ARID4B: variants seen among roughly 807,000 people sequenced by gnomAD.
ARID4B encodes the protein AT-rich interaction domain 4B, also known as AT-rich interactive domain-containing protein 4B.
ARID4B carries 26 observed loss-of-function variants against 147.5 expected under a neutral mutation model. The observed-to-expected ratio is 0.18, with a 90% CI of 0.13 to 0.24. The LOEUF (loss-of-function observed/expected upper bound fraction) is 0.24, where lower values mean the gene tolerates loss of function less well. Among genes scored for constraint, ARID4B ranks in the 10% least tolerant of loss-of-function variants. The pLI, the probability that ARID4B is intolerant of heterozygous loss-of-function variation, is 1.00. For synonymous variants in ARID4B, 512 were observed against 507.9 expected (o/e 1.01, Z -0.11); for missense variants, 1,179 against 1,511.5 (o/e 0.78, Z 3.65).
intron 6 of ARID4B, among the ~76,000 whole-genome samples, chr1:235,250,762 C>G (rs1475933659): frequency 4.6e-5 from 7 of 152,194 alleles, no homozygotes; most frequent in Admixed American, 6.5e-5. Context: ...TGCACAGACA[C>G]ACTAAAACTG....
chr1:235,326,797 G>A, intron 2 of ARID4B, 117 bp downstream of exon 2: 1 of 1,356,872 alleles, frequency 7.4e-7, no homozygotes, highest in East Asian at 2.3e-5. Context: ...CGGTCACCAA[G>A]TCACCAAACA....
At chr1:235,275,025 ACG>A (rs1347393459) in intron 2 of ARID4B, among the ~76,000 whole-genome samples, 3 of 144,704 alleles carry the variant, frequency 2.1e-5, no homozygotes, top group African/African-American at 8.5e-5. Context: ...GTGTGTGTGC[ACG>A]CGCGCAGACC....
chr1:235,173,881 C>T (rs1481131435), intron 22 of ARID4B, among the ~76,000 whole-genome samples: 15 of 124,130 alleles, frequency 1.2e-4, no homozygotes, highest in Non-Finnish European at 2.3e-4. Context: ...CTCACATATA[C>T]AAAAGTATAG....
intron 19 of ARID4B, among the ~76,000 whole-genome samples, chr1:235,190,956 C>T (rs1365116283): frequency 6.6e-6 from 1 of 152,170 alleles, no homozygotes; most frequent in Non-Finnish European, 1.5e-5. Flanking sequence ...TACCTGCTAC[C>T]GCCTCTCTGT....
At chr1:235,304,004 G>A (rs1673372399) in intron 2 of ARID4B, among the ~76,000 whole-genome samples, 1 of 152,086 alleles carries the variant, frequency 6.6e-6, no homozygotes, top group Non-Finnish European at 1.5e-5. Context: ...AACAAAGCAA[G>A]CAATGAAGTA....
In ARID4B at chr1:235,229,329, T is replaced by C; in HGVS notation, c.799A>G (p.Thr267Ala). 6.2e-7 allele frequency: 1 copy of C among 1,613,770 alleles called. No homozygotes were observed. The highest frequency in any genetic ancestry group is 8.5e-7 in the Non-Finnish European group (1 of 1,179,874). Residue 267 changes from threonine to alanine, a missense_variant, in exon 11 of 24, where the codon ACT (threonine) becomes GCT (alanine). Coordinates refer to ENST00000264183, the MANE Select transcript of ARID4B (RefSeq NM_016374.6). ...CTAGAGCTATCTTCTTTCAATTCAG[T>C]CTTCCAGTTAGCAGGAATAGTTCTA... ...KSRTIPANWKTELKEDSSSSE... is the reference protein window; with the variant it reads ...KSRTIPANWKAELKEDSSSSE...
In ARID4B at chr1:235,220,309, G is replaced by A. The variant is rs772773027; in HGVS notation, c.1400C>T (p.Pro467Leu). Residue 467 changes from proline (P) to leucine (L), a missense_variant, in exon 15 of 24, where the codon CCC becomes CTC. Coordinates refer to ENST00000264183, the MANE Select transcript of ARID4B (RefSeq NM_016374.6). ...DEIERKENIK[P>L]SLGSKKNLLE... ...TAACAATATCTGATTTACCAGAGAG[G>A]GCTTAATATTTTCTTTTCTTTCAAT... is the stretch of plus-strand genomic sequence containing the variant. The A allele has an allele frequency of 6.3e-7, 1 of 1,599,458 alleles. No homozygotes were observed. Among genetic ancestry groups the A allele is most frequent in the Non-Finnish European group, 8.5e-7 (1 of 1,174,868 alleles).
At chr1:235,318,069 CAT>C (rs1313747942) in intron 2 of ARID4B, among the ~76,000 whole-genome samples, 3 of 151,744 alleles carry the variant, frequency 2.0e-5, no homozygotes, top group African/African-American at 4.8e-5. Context: ...AAATAACCCA[CAT>C]GTCCTCCAAA....
chr1:235,226,657 G>A (rs1667853061), intron 11 of ARID4B, among the ~76,000 whole-genome samples: 1 of 152,140 alleles, frequency 6.6e-6, no homozygotes, highest in Non-Finnish European at 1.5e-5. Context: ...GAGTAGCTGG[G>A]ACTACAGGCG....
intron 19 of ARID4B, chr1:235,186,944 C>T (rs1664724704): frequency 4.0e-6 from 1 of 251,852 alleles, no homozygotes. Context: ...GATCTGCCCA[C>T]CTTGGCCTCC....
intron 2 of ARID4B, among the ~76,000 whole-genome samples, chr1:235,265,359 C>G (rs1670536888): frequency 6.6e-6 from 1 of 150,402 alleles, no homozygotes; most frequent in Non-Finnish European, 1.5e-5. Flanking sequence ...CTGTGAGACT[C>G]CATTTCAAAA....
Position 235,236,855 on chromosome 1 carries a change from T to TA in ARID4B, c.586-2364dup. Among the ~76,000 whole-genome samples, 4 of 43,914 alleles carry TA rather than the reference T, an allele frequency of 9.1e-5. 1 individual carries two copies. The highest frequency in any genetic ancestry group is 9.0e-5 in the Non-Finnish European group (2 of 22,152). 28.8% of individuals were successfully genotyped at this position (43,914 alleles called of 152,430 possible). A position where few individuals can be genotyped will look rare whatever the true frequency, so the allele number is the denominator to read the frequency against. ...AAAAATATATATATATATATATATATATATATATTTTTTTTTTTTTTTTTT... is the reference window on the plus strand; with the variant it reads ...AAAAATATATATATATATATATATATAATATATATTTTTTTTTTTTTTTTTT... On this transcript the variant is annotated intron_variant, in intron 8 of 23. Coordinates refer to ENST00000264183, the MANE Select transcript of ARID4B (RefSeq NM_016374.6).
intron 3 of ARID4B, among the ~76,000 whole-genome samples, chr1:235,259,716 G>A (rs1273372368): frequency 6.6e-6 from 1 of 152,176 alleles, no homozygotes; most frequent in African/African-American, 2.4e-5. Flanking sequence ...TTCCTAACCA[G>A]GAGTGTAAAT....
chr1:235,220,467 G>A lies in ARID4B; in HGVS notation c.1242C>T (p.Asn414=). 6.2e-7 allele frequency: 1 copy of A among 1,611,860 alleles called. No individual in the cohort carries two copies. The highest frequency in any genetic ancestry group is 8.5e-7 in the Non-Finnish European group (1 of 1,178,742). The stretch of plus-strand genomic sequence containing the variant: ...CATTTTCACACTCCTTACATTGCTT[G>A]TTAACAACTTTCTCTGGCAATGCCA... The part of the protein sequence containing the change: ...FQMALPEKVV[N]KQCKECENVK... Residue 414 remains asparagine (N), a synonymous_variant, in exon 15 of 24, where the codon AAC becomes AAT. Transcript: ENST00000264183.
At position 235,182,394 on chromosome 1, in the gene ARID4B, T is replaced by A; in HGVS notation, c.2525A>T (p.Lys842Met). 6.2e-7 allele frequency: 1 copy of A among 1,609,308 alleles called. No homozygotes were observed. The highest frequency in any genetic ancestry group is 8.5e-7 in the Non-Finnish European group (1 of 1,178,918). ...TTCTTTGTTCTTGGCCTTCTCTTCC[T>A]TTTTGCCAGGTGATCCAGTTTTTAG... ...ECLKTGSPGK[K>M]EEKAKNKESL... Residue 842 changes from lysine to methionine, a missense_variant, in exon 20 of 24, where the codon AAG becomes ATG. Physicochemically the swap from Lys to Met is moderately conservative, Grantham distance 95 (BLOSUM62 -1). Coordinates refer to ENST00000264183, the MANE Select transcript of ARID4B (RefSeq NM_016374.6).
intron 23 of ARID4B, among the ~76,000 whole-genome samples, chr1:235,169,090 G>T (rs1419307663): frequency 6.6e-6 from 1 of 152,206 alleles, no homozygotes; most frequent in Non-Finnish European, 1.5e-5. Context: ...GGTGACAAGA[G>T]TGGGAGGCTT....
intron 11 of ARID4B, among the ~76,000 whole-genome samples, chr1:235,227,658 T>C (rs1214814986): frequency 6.6e-6 from 1 of 152,102 alleles, no homozygotes; most frequent in African/African-American, 2.4e-5. Context: ...AAAGAGTACC[T>C]TGTCACTGCC....
intron 2 of ARID4B, among the ~76,000 whole-genome samples, chr1:235,263,437 T>C (rs923709800): frequency 3.3e-5 from 5 of 152,194 alleles, no homozygotes; most frequent in African/African-American, 1.2e-4. Flanking sequence ...ACATTTCAAC[T>C]ACAGCAAACT....
rs781125149 is a variant in ARID4B, at chr1:235,167,212, C to T, written c.*1313G>A. ...ACAAAACGCATTGAAATTCCCACGTCGTATTGCCAGGAAACAAAGAAAACA... is the reference window on the plus strand; with the variant it reads ...ACAAAACGCATTGAAATTCCCACGTTGTATTGCCAGGAAACAAAGAAAACA... On this transcript the variant is annotated 3_prime_UTR_variant, in exon 24 of 24. Transcript: ENST00000264183. 5 of 209,744 alleles carry T rather than the reference C, an allele frequency of 2.4e-5. No individual in the cohort carries two copies. The highest frequency in any genetic ancestry group is 2.3e-5 in the African/African-American group (1 of 43,992). The allele number at this position is 209,744 out of a possible 1,614,324, so 13.0% of individuals were successfully genotyped here. A position where few individuals can be genotyped will look rare whatever the true frequency, so the allele number is the denominator to read the frequency against.
Sources: gnomAD v4.1 joint callset for allele counts (sites outside exome capture counted in the v4.1 genomes callset) on GRCh38, gnomAD v4.1.1 for gene constraint, MANE v1.5 for transcripts, NCBI Gene and HGNC (gene_info 2026-07-23, HGNC 2026-07-21) for gene names.